The following BICRAL variants were observed in gnomAD, a reference collection of about 807,000 sequenced individuals.
BICRAL encodes the protein BICRA like chromatin remodeling complex associated protein.
Under a neutral mutation model 91.8 loss-of-function variants are expected in BICRAL, and 8 were observed. That is an observed-to-expected ratio of 0.09 (90% CI 0.05 to 0.16). The LOEUF is 0.16. BICRAL is among the 10% of genes least tolerant of loss of function. The pLI, the probability that BICRAL is intolerant of heterozygous loss-of-function variation, is 1.00. For synonymous variants in BICRAL, 445 were observed against 491.1 expected (o/e 0.91, Z 1.24); for missense variants, 1,038 against 1,310.9 (o/e 0.79, Z 3.21).
rs1562470752 is a variant in BICRAL, at chr6:42,806,014, CG to C, written c.-101-4291del. Reference sequence around the variant, plus strand: ...GAGACTCCATCTCAAAAAAAAAAAACGAAGGAAGAAGTAGAGCAATTATTTG... The same window carrying C: ...GAGACTCCATCTCAAAAAAAAAAAACAAGGAAGAAGTAGAGCAATTATTTG... On this transcript the variant is annotated intron_variant, in intron 1 of 12. Transcript: ENST00000314073. Among the ~76,000 whole-genome samples the C allele has an allele frequency of 4.8e-4, 72 of 149,824 alleles. 1 individual carries two copies. Among genetic ancestry groups the C allele is most frequent in the Admixed American group, 3.0e-3 (45 of 15,034 alleles).
intron 1 of BICRAL, among the ~76,000 whole-genome samples, chr6:42,804,633 G>A (rs566358028): frequency 6.6e-6 from 1 of 152,212 alleles, no homozygotes; most frequent in East Asian, 1.9e-4. Context: ...TAAGTTTTGG[G>A]GACATCAAGT....
intron 1 of BICRAL, among the ~76,000 whole-genome samples, chr6:42,793,296 A>ATTTTTTTTTTT (rs35332872): frequency 0.018 from 417 of 22,982 alleles, 66 homozygotes; most frequent in Non-Finnish European, 0.02. Context: ...GACCCAGCTA[A>ATTTTTTTTTTT]TTTTTTTTTT....
At chr6:42,814,235 GT>G (rs531185819) in intron 2 of BICRAL, among the ~76,000 whole-genome samples, 5,214 of 104,888 alleles carry the variant, frequency 0.05, 326 homozygotes, top group African/African-American at 0.17. Context: ...CTCTTGGTGG[GT>G]TTTTTTTTTT....
chr6:42,747,271 C>CTCGCATGCT (rs1343101066), intron 1 of BICRAL, among the ~76,000 whole-genome samples: 1 of 152,234 alleles, frequency 6.6e-6, no homozygotes, highest in African/African-American at 2.4e-5. Context: ...GCGCGGCAGC[C>CTCGCATGCT]TCGCATGCTT....
chr6:42,764,816 C>T (rs567987956), intron 1 of BICRAL, among the ~76,000 whole-genome samples: 16 of 152,134 alleles, frequency 1.1e-4, no homozygotes, highest in Admixed American at 2.0e-4. Context: ...TGTGCCACCA[C>T]GCCTGGCTAA....
rs1765747315 is a variant in BICRAL, at chr6:42,867,532, C to T, written c.*2086C>T. 6.6e-6 allele frequency: 1 copy of T among 152,512 alleles called. No individual in the cohort carries two copies. The highest frequency in any genetic ancestry group is 1.5e-5 in the Non-Finnish European group (1 of 68,020). 9.4% of individuals were successfully genotyped at this position (152,512 alleles called of 1,614,324 possible). A position where few individuals can be genotyped will look rare whatever the true frequency, so the allele number is the denominator to read the frequency against. On this transcript the variant is annotated 3_prime_UTR_variant, in exon 13 of 13. Transcript: ENST00000314073. Reference sequence around the variant, plus strand: ...CTTTTCTTCCCTTGGGGCTCATGCTCCCCTAATTCCTAGCAAGATGATCCT... The same window carrying T: ...CTTTTCTTCCCTTGGGGCTCATGCTTCCCTAATTCCTAGCAAGATGATCCT...
chr6:42,774,938 C>G (rs957217534), intron 1 of BICRAL, among the ~76,000 whole-genome samples: 6 of 144,576 alleles, frequency 4.2e-5, no homozygotes, highest in African/African-American at 1.5e-4. Context: ...AGAGTGGTTC[C>G]TTTTTTTTTT....
chr6:42,753,369 T>C (rs1279011478), intron 1 of BICRAL, among the ~76,000 whole-genome samples: 2 of 151,544 alleles, frequency 1.3e-5, no homozygotes, highest in African/African-American at 4.8e-5. Context: ...TGGCCAATCA[T>C]TGCTATAAAA....
At chr6:42,809,100 C>T (rs919166546) in intron 1 of BICRAL, among the ~76,000 whole-genome samples, 4 of 151,656 alleles carry the variant, frequency 2.6e-5, no homozygotes, top group African/African-American at 7.3e-5. Context: ...CCCTAGCCCC[C>T]GGCACCCCCC....
intron 6 of BICRAL, among the ~76,000 whole-genome samples, chr6:42,834,586 T>C (rs904304538): frequency 6.6e-6 from 1 of 152,204 alleles, no homozygotes; most frequent in East Asian, 1.9e-4. Context: ...TACCTTTTTC[T>C]TTATGTGTGA....
upstream of BICRAL, among the ~76,000 whole-genome samples, chr6:42,779,275 T>C (rs9369383): frequency 1.6e-3 from 215 of 134,378 alleles, 4 homozygotes; most frequent in East Asian, 0.033. Flanking sequence ...CACACACACA[T>C]ATCATTGGAG....
chr6:42,820,704 CT>C (rs1198885366), intron 2 of BICRAL, among the ~76,000 whole-genome samples: 1 of 152,136 alleles, frequency 6.6e-6, no homozygotes, highest in African/African-American at 2.4e-5. Context: ...TGGGAGTCAC[CT>C]TTTGGTATCT....
intron 1 of BICRAL, among the ~76,000 whole-genome samples, chr6:42,750,560 T>C (rs552320628): frequency 5.3e-5 from 8 of 152,298 alleles, no homozygotes; most frequent in African/African-American, 1.9e-4. Context: ...TATTCACATC[T>C]GATTATCCCA....
chr6:42,813,046 T>C (rs1446908620), intron 2 of BICRAL, among the ~76,000 whole-genome samples: 2 of 152,032 alleles, frequency 1.3e-5, no homozygotes, highest in African/African-American at 4.8e-5. Context: ...AGAAAATTAG[T>C]AAATTAAATT....
intron 1 of BICRAL, among the ~76,000 whole-genome samples, chr6:42,757,220 A>G (rs1170052590): frequency 1.3e-5 from 2 of 151,736 alleles, no homozygotes; most frequent in African/African-American, 4.8e-5. Context: ...TTGTGCAGAT[A>G]ATCTACCATG....
At chr6:42,777,977 A>G (rs756007679), upstream of BICRAL, among the ~76,000 whole-genome samples, 9 of 152,236 alleles carry the variant, frequency 5.9e-5, no homozygotes, top group Non-Finnish European at 1.3e-4. Flanking sequence ...TCCTGTCTAT[A>G]TAAACTATAA....
intron 1 of BICRAL, among the ~76,000 whole-genome samples, chr6:42,802,743 G>A (rs1373249186): frequency 2.6e-5 from 4 of 151,834 alleles, no homozygotes; most frequent in African/African-American, 9.7e-5. Context: ...CACCGTGCCT[G>A]GCCTTTTTTT....
At chr6:42,791,755 C>T (rs558289058) in intron 1 of BICRAL, among the ~76,000 whole-genome samples, 2 of 152,276 alleles carry the variant, frequency 1.3e-5, no homozygotes, top group South Asian at 4.1e-4. Flanking sequence ...TGAACCACTG[C>T]ACCTGGCCTC....
intron 6 of BICRAL, among the ~76,000 whole-genome samples, chr6:42,839,220 C>A (rs1396845656): frequency 1.3e-5 from 2 of 151,988 alleles, no homozygotes; most frequent in East Asian, 3.8e-4. Context: ...AAAAAAAGAG[C>A]TTTTTCTTCC....
Sources: allele counts gnomAD v4.1 joint callset (sites outside exome capture counted in the v4.1 genomes callset), GRCh38; gene constraint gnomAD v4.1.1; transcripts MANE v1.5; gene names NCBI Gene and HGNC (gene_info 2026-07-23, HGNC 2026-07-21).